The following FAM13A variants were observed in gnomAD, a reference collection of about 807,000 sequenced individuals.
The protein encoded by FAM13A is protein FAM13A.
A neutral mutation model predicts 129.6 loss-of-function variants in FAM13A; 76 were observed. That is an observed-to-expected ratio of 0.59 (90% CI 0.49 to 0.71). The LOEUF is 0.71. FAM13A is among the 30% of genes least tolerant of loss of function. The pLI is 0.00. For synonymous variants in FAM13A, 443 were observed against 449.9 expected, an observed-to-expected ratio of 0.98 and a Z score of 0.20; for missense variants, 1,108 against 1,249.3, an observed-to-expected ratio of 0.89 and a Z score of 1.70.
At chr4:88,968,466 A>C (rs1759634986) in intron 4 of FAM13A, among the ~76,000 whole-genome samples, 1 of 152,184 alleles carries the variant, frequency 6.6e-6, no homozygotes, top group African/African-American at 2.4e-5. Context: ...GCTATGACCG[A>C]GAATCAGGAG....
At chr4:88,769,361 T>C (rs1204029174) in intron 11 of FAM13A, among the ~76,000 whole-genome samples, 9 of 152,180 alleles carry the variant, frequency 5.9e-5, no homozygotes, top group Admixed American at 5.9e-4. Context: ...GGAGATAATA[T>C]AACATAGTAG....
intron 6 of FAM13A, among the ~76,000 whole-genome samples, chr4:88,881,065 A>G (rs1021104988): frequency 6.6e-6 from 1 of 152,200 alleles, no homozygotes; most frequent in Non-Finnish European, 1.5e-5. Context: ...GACAATGGAC[A>G]TAATTTCTTG....
intron 4 of FAM13A, among the ~76,000 whole-genome samples, chr4:88,957,473 C>G (rs1295027454): frequency 6.6e-6 from 1 of 152,136 alleles, no homozygotes; most frequent in African/African-American, 2.4e-5. Flanking sequence ...AATGATGAGC[C>G]AATTAGACCT....
intron 6 of FAM13A, among the ~76,000 whole-genome samples, chr4:88,870,215 C>T (rs534735536): frequency 2.0e-5 from 3 of 152,128 alleles, no homozygotes; most frequent in South Asian, 2.1e-4. Flanking sequence ...CCAGCGTGAT[C>T]GATGCAGAAG....
intron 4 of FAM13A, among the ~76,000 whole-genome samples, chr4:88,983,822 T>C (rs944766149): frequency 3.9e-5 from 6 of 152,110 alleles, no homozygotes; most frequent in African/African-American, 1.2e-4. Context: ...TGTAGAGAAA[T>C]ACAATGAACC....
intron 7 of FAM13A, among the ~76,000 whole-genome samples, chr4:88,836,341 A>T (rs1277745353): frequency 6.6e-6 from 1 of 152,236 alleles, no homozygotes; most frequent in Non-Finnish European, 1.5e-5. Context: ...TCTAGTCCTT[A>T]AAAGTATTTT....
At chr4:88,971,638 C>T (rs758494484) in intron 4 of FAM13A, among the ~76,000 whole-genome samples, 17 of 152,200 alleles carry the variant, frequency 1.1e-4, no homozygotes, top group Middle Eastern at 6.8e-3. Context: ...TCCCAAGTAG[C>T]TGGGACTATA....
intron 4 of FAM13A, among the ~76,000 whole-genome samples, chr4:88,970,376 G>A (rs1285329455): frequency 6.6e-6 from 1 of 151,710 alleles, no homozygotes; most frequent in Non-Finnish European, 1.5e-5. Flanking sequence ...GGCTTTGAAT[G>A]CCATGGAAAA....
chr4:88,901,976 C>T (rs1435435808), intron 6 of FAM13A, among the ~76,000 whole-genome samples: 1 of 152,062 alleles, frequency 6.6e-6, no homozygotes, highest in African/African-American at 2.4e-5. Flanking sequence ...ATACTATAAA[C>T]ACCACTATGC....
In FAM13A at chr4:89,003,968, T is replaced by C. The variant is rs535815048; in HGVS notation, c.428-12818A>G. 2.3e-3 allele frequency among the ~76,000 whole-genome samples: 346 copies of C among 152,222 alleles called. 1 individual carries two copies. The highest frequency in any genetic ancestry group is 8.0e-3 in the African/African-American group (333 of 41,546). ...GAAAGAACTGAGGGCTGCCAAAGGG[T>C]ATGGTAGGGATCTGCCGGTTTTCTT... is the stretch of plus-strand genomic sequence containing the variant. On this transcript the variant is annotated intron_variant, in intron 3 of 23. Transcript: ENST00000264344.
At chr4:88,768,758 G>C (rs1367705237) in intron 11 of FAM13A, among the ~76,000 whole-genome samples, 2 of 152,028 alleles carry the variant, frequency 1.3e-5, no homozygotes, top group Non-Finnish European at 2.9e-5. Flanking sequence ...AAAAAGTAAA[G>C]ACAGAAAACC....
At chr4:89,048,437 A>G (rs1409748109) in intron 1 of FAM13A, among the ~76,000 whole-genome samples, 3 of 152,166 alleles carry the variant, frequency 2.0e-5, no homozygotes, top group African/African-American at 7.2e-5. Context: ...AGTGACATAA[A>G]GCAAATTAGT....
rs567498390 is a variant in FAM13A, at chr4:88,795,681, A to C, written c.1050-5054T>G. On this transcript the variant is annotated intron_variant, in intron 8 of 23. Coordinates refer to ENST00000264344, the MANE Select transcript of FAM13A (RefSeq NM_014883.4). The stretch of plus-strand genomic sequence containing the variant: ...GTCCTCGATACTCTGAACAATCTTT[A>C]TTCTCAAATAATGCTGCTATTTACA... 1.1e-4 allele frequency among the ~76,000 whole-genome samples: 17 copies of C among 151,926 alleles called. No individual in the cohort carries two copies. The East Asian group carries it at 3.3e-3, about 29-fold the overall frequency.
chr4:88,987,579 G>T (rs1762391290), intron 4 of FAM13A, among the ~76,000 whole-genome samples: 1 of 152,034 alleles, frequency 6.6e-6, no homozygotes, highest in Non-Finnish European at 1.5e-5. Context: ...CTGAGGCTGG[G>T]CGCGGTGGCC....
At chr4:88,899,093 T>C (rs545414523) in intron 6 of FAM13A, among the ~76,000 whole-genome samples, 85 of 149,172 alleles carry the variant, frequency 5.7e-4, no homozygotes, top group Admixed American at 1.7e-3. Flanking sequence ...TGTGTGTATG[T>C]ATATATACAC....
At chr4:88,951,093 C>T (rs1371685502) in intron 4 of FAM13A, among the ~76,000 whole-genome samples, 1 of 152,188 alleles carries the variant, frequency 6.6e-6, no homozygotes, top group African/African-American at 2.4e-5. Context: ...AACAACCGTG[C>T]CCCTGGGCTG....
At chr4:88,882,867 C>T (rs1228054545) in intron 6 of FAM13A, among the ~76,000 whole-genome samples, 1 of 151,996 alleles carries the variant, frequency 6.6e-6, no homozygotes, top group African/African-American at 2.4e-5. Context: ...AGTAGCTATT[C>T]TTATATCAGA....
intron 4 of FAM13A, among the ~76,000 whole-genome samples, chr4:88,964,473 T>C (rs1045665187): frequency 2.0e-5 from 3 of 152,044 alleles, no homozygotes; most frequent in Admixed American, 2.0e-4. Context: ...GTATTTGATA[T>C]AGGATTTAAG....
intron 23 of FAM13A, chr4:88,729,069 T>TG (rs56678684): frequency 0.32 from 46,895 of 145,902 alleles, 7,524 homozygotes; most frequent in East Asian, 0.53. Flanking sequence ...GTTTTTTTTT[T>TG]TTTTTTTTTT....
Sources: allele counts gnomAD v4.1 joint callset (sites outside exome capture counted in the v4.1 genomes callset), GRCh38; gene constraint gnomAD v4.1.1; transcripts MANE v1.5; gene names NCBI Gene and HGNC (gene_info 2026-07-23, HGNC 2026-07-21).